ABHD6: variants seen among roughly 807,000 people sequenced by gnomAD.
ABHD6 encodes the protein abhydrolase domain containing 6, acylglycerol lipase.
A neutral mutation model predicts 38.8 loss-of-function variants in ABHD6; 33 were observed. The observed-to-expected ratio is 0.85, with a 90% CI of 0.64 to 1.14. The LOEUF (loss-of-function observed/expected upper bound fraction) is 1.14, where lower values mean the gene tolerates loss of function less well. ABHD6 is among the 50% of genes most tolerant of loss of function. ABHD6 has a pLI of 0.00. For missense variants in ABHD6, 380 were observed against 422.6 expected, an observed-to-expected ratio of 0.90 and a Z score of 0.88; for synonymous variants, 147 against 161.6, an observed-to-expected ratio of 0.91 and a Z score of 0.69.
In ABHD6 at chr3:58,257,076, T is replaced by C. The variant is rs1458757604; in HGVS notation, c.119+371T>C. Reference sequence around the variant, plus strand: ...TATGCCACCACGCCCGGCTAATTTTTTTTGTATTTTTAGTACAGATGGGGT... The same window carrying C: ...TATGCCACCACGCCCGGCTAATTTTCTTTGTATTTTTAGTACAGATGGGGT... On this transcript the variant is annotated intron_variant, in intron 3 of 9. Coordinates refer to ENST00000478253, the MANE Select transcript of ABHD6 (RefSeq NM_001320126.2). This position sits in a 1 kb window ranked among gnomAD's most constrained non-coding sequence, Gnocchi z 4.8. Among the ~76,000 whole-genome samples the C allele has an allele frequency of 6.6e-6, 1 of 152,118 alleles. No homozygotes were observed. Among genetic ancestry groups the C allele is most frequent in the Non-Finnish European group, 1.5e-5 (1 of 68,024 alleles).
chr3:58,267,134 C>T lies in ABHD6; in HGVS notation c.120-55C>T, dbSNP rs2097441546. The T allele has an allele frequency of 3.8e-6, 6 of 1,580,712 alleles. No homozygotes were observed. In the East Asian group the frequency reaches 1.3e-4, roughly 35 times the overall value. ...GAGAGGACCTGTGCCCATCTTGAAG[C>T]CACTCATCTAGAGCTTACTGATTTC... On this transcript the variant is annotated intron_variant, in intron 3 of 9. Transcript: ENST00000478253. The surrounding 1 kb of genome is among the most constrained non-coding windows in gnomAD (Gnocchi z 4.3).
At position 58,269,768 on chromosome 3, in the gene ABHD6, A is replaced by G. The variant is rs1202000635; in HGVS notation, c.390+334A>G. ...TTCTGCTCACCAGTTATATGATAACAGTAATAGCCCCTCTGCCTAGCTGGG... is the reference window on the plus strand; with the variant it reads ...TTCTGCTCACCAGTTATATGATAACGGTAATAGCCCCTCTGCCTAGCTGGG... On this transcript the variant is annotated intron_variant, in intron 5 of 9. Coordinates refer to ENST00000478253, the MANE Select transcript of ABHD6 (RefSeq NM_001320126.2). The surrounding 1 kb of genome is among the most constrained non-coding windows in gnomAD (Gnocchi z 4.4). 6.6e-6 allele frequency among the ~76,000 whole-genome samples: 1 copy of G among 152,240 alleles called. No individual in the cohort carries two copies. Among genetic ancestry groups the G allele is most frequent in the African/African-American group, 2.4e-5 (1 of 41,462 alleles).
Position 58,279,893 on chromosome 3 carries a change from T to C in ABHD6, c.681+5078T>C, listed in dbSNP as rs376093347. Among the ~76,000 whole-genome samples the C allele has an allele frequency of 2.7e-4, 41 of 152,314 alleles. No individual in the cohort carries two copies. The South Asian group carries it at 3.7e-3, about 14-fold the overall frequency. Reference sequence around the variant, plus strand: ...TGAAATTCTGGGTTGAAAATTCTTTTCTTTAAGAATGTTGAATATTAGCCC... The same window carrying C: ...TGAAATTCTGGGTTGAAAATTCTTTCCTTTAAGAATGTTGAATATTAGCCC... On this transcript the variant is annotated intron_variant, in intron 7 of 9. Coordinates refer to ENST00000478253, the MANE Select transcript of ABHD6 (RefSeq NM_001320126.2).
intron 1 of ABHD6, among the ~76,000 whole-genome samples, chr3:58,239,668 C>T (rs1482642749): frequency 6.6e-6 from 1 of 152,054 alleles, no homozygotes; most frequent in Non-Finnish European, 1.5e-5. Flanking sequence ...TGAGCATCTG[C>T]AAACCTAGAG....
Position 58,285,125 on chromosome 3 carries a change from A to G in ABHD6, c.722A>G (p.Asn241Ser). Residue 241 changes from asparagine (N) to serine (S), a missense_variant, in exon 8 of 10, where the codon AAC becomes AGC. Physicochemically the swap from Asn to Ser is conservative, Grantham distance 46. Transcript: ENST00000478253. The surrounding 1 kb of genome is among the most constrained non-coding windows in gnomAD (Gnocchi z 4.9). ...GLVDVRIPHNNFYRKLFLEIV... is the reference protein window; with the variant it reads ...GLVDVRIPHNSFYRKLFLEIV... Reference sequence around the variant, plus strand: ...GTCGATGTCCGCATCCCTCATAACAACTTCTACCGAAAGTGTAAGTAGCCC... The same window carrying G: ...GTCGATGTCCGCATCCCTCATAACAGCTTCTACCGAAAGTGTAAGTAGCCC... 2 of 1,614,118 alleles carry G rather than the reference A, an allele frequency of 1.2e-6. No homozygotes were observed. The highest frequency in any genetic ancestry group is 1.1e-5 in the South Asian group (1 of 91,076).
chr3:58,253,386 A>G (rs1200772253), intron 2 of ABHD6, among the ~76,000 whole-genome samples: 2 of 152,144 alleles, frequency 1.3e-5, no homozygotes, highest in Non-Finnish European at 1.5e-5. Context: ...ATCTGTGTCA[A>G]CTCATTCACA....
At chr3:58,248,261 TATC>T (rs2097427746) in intron 1 of ABHD6, among the ~76,000 whole-genome samples, 1 of 152,266 alleles carries the variant, frequency 6.6e-6, no homozygotes, top group Non-Finnish European at 1.5e-5. Context: ...TGCAAAGCTG[TATC>T]ATCATTTACT....
chr3:58,282,888 G>C (rs2097454369), intron 7 of ABHD6, among the ~76,000 whole-genome samples: 1 of 152,232 alleles, frequency 6.6e-6, no homozygotes, highest in Non-Finnish European at 1.5e-5. Context: ...GTAGCTGAGG[G>C]AAGTCTGGCC....
intron 1 of ABHD6, among the ~76,000 whole-genome samples, chr3:58,243,032 C>G (rs778362129): frequency 3.4e-4 from 52 of 152,156 alleles, no homozygotes; most frequent in Non-Finnish European, 2.9e-4. Context: ...TCATCCATGT[C>G]CCTACAAAGG....
At chr3:58,244,987 T>C (rs1479241604) in intron 1 of ABHD6, among the ~76,000 whole-genome samples, 2 of 152,200 alleles carry the variant, frequency 1.3e-5, no homozygotes, top group African/African-American at 4.8e-5. Flanking sequence ...AAGGAGATTC[T>C]GGCTAGAAAG....
At chr3:58,277,273 C>A (rs1021180356) in intron 7 of ABHD6, among the ~76,000 whole-genome samples, 4 of 152,016 alleles carry the variant, frequency 2.6e-5, no homozygotes, top group African/African-American at 9.7e-5. Context: ...CATTTGTTAG[C>A]GTCCTCTTTT....
chr3:58,293,240 C>A lies in ABHD6; in HGVS notation c.838-349C>A, dbSNP rs1397030798. 6.6e-6 allele frequency among the ~76,000 whole-genome samples: 1 copy of A among 152,174 alleles called. No homozygotes were observed. The highest frequency in any genetic ancestry group is 1.5e-5 in the Non-Finnish European group (1 of 68,038). ...TCCTCCCCTGTCCCCTTTCTGCTCT[C>A]CCGGGACTCAGGAACGAGGTCTTCC... On this transcript the variant is annotated intron_variant, in intron 9 of 9. Coordinates refer to ENST00000478253, the MANE Select transcript of ABHD6 (RefSeq NM_001320126.2). The surrounding 1 kb of genome is among the most constrained non-coding windows in gnomAD (Gnocchi z 4.4).
rs377428964 is a variant in ABHD6 at position 58,275,967 on chromosome 3, A to G, written c.681+1152A>G. Among the ~76,000 whole-genome samples the G allele has an allele frequency of 2.6e-5, 4 of 152,278 alleles. No individual in the cohort carries two copies. In the East Asian group the frequency reaches 7.7e-4, roughly 29 times the overall value. ...GAACTCATCCTTTTTATGGCTGCGT[A>G]GTATTCCATGGTCTGTATGTGTCAC... On this transcript the variant is annotated intron_variant, in intron 7 of 9. Transcript: ENST00000478253.
Position 58,285,502 on chromosome 3 carries a change from G to T in ABHD6, c.837+49G>T. 6.8e-7 allele frequency: 1 copy of T among 1,472,934 alleles called. No homozygotes were observed. Among genetic ancestry groups the T allele is most frequent in the South Asian group, 1.1e-5 (1 of 87,988 alleles). The allele number at this position is 1,472,934 out of a possible 1,614,324, so 91.2% of individuals were successfully genotyped here. ...GTCTGTGCTGGTCACCAGGGCCTCT[G>T]AGGAAAAACGTCCTTGAGGAAGAAC... On this transcript the variant is annotated intron_variant, in intron 9 of 9. Transcript: ENST00000478253. The surrounding 1 kb of genome is among the most constrained non-coding windows in gnomAD (Gnocchi z 4.9).
intron 1 of ABHD6, among the ~76,000 whole-genome samples, chr3:58,239,172 A>G (rs2097421153): frequency 6.6e-6 from 1 of 152,050 alleles, no homozygotes. Flanking sequence ...ATTTCAACAA[A>G]TTCTTATCAA....
chr3:58,263,785 T>C lies in ABHD6; in HGVS notation c.120-3404T>C, dbSNP rs1260323579. On this transcript the variant is annotated intron_variant, in intron 3 of 9. Coordinates refer to ENST00000478253, the MANE Select transcript of ABHD6 (RefSeq NM_001320126.2). This position sits in a 1 kb window ranked among gnomAD's most constrained non-coding sequence, Gnocchi z 4.9. ...AGAGTTATAGAGAATTTGATGATTATAAAAACGTAACCCATTCGAGCCCCA... is the reference window on the plus strand; with the variant it reads ...AGAGTTATAGAGAATTTGATGATTACAAAAACGTAACCCATTCGAGCCCCA... 6.6e-6 allele frequency among the ~76,000 whole-genome samples: 1 copy of C among 152,024 alleles called. No homozygotes were observed. Among genetic ancestry groups the C allele is most frequent in the South Asian group, 2.1e-4 (1 of 4,816 alleles).
chr3:58,252,836 A>G (rs1041185830), intron 2 of ABHD6, among the ~76,000 whole-genome samples: 8 of 152,340 alleles, frequency 5.3e-5, no homozygotes, highest in Middle Eastern at 3.4e-3. Flanking sequence ...AAACACCAGC[A>G]TGGCAGGGGA....
At position 58,266,104 on chromosome 3, in the gene ABHD6, T is replaced by C. The variant is rs1359173144; in HGVS notation, c.120-1085T>C. On this transcript the variant is annotated intron_variant, in intron 3 of 9. Transcript: ENST00000478253. The surrounding 1 kb of genome is among the most constrained non-coding windows in gnomAD (Gnocchi z 4.0). ...GCTTTTAAGCTAGCCAATGCTATTATGTTCTTTACGTTTTGAGTAGGCAAT... is the reference window on the plus strand; with the variant it reads ...GCTTTTAAGCTAGCCAATGCTATTACGTTCTTTACGTTTTGAGTAGGCAAT... 6.6e-6 allele frequency among the ~76,000 whole-genome samples: 1 copy of C among 152,238 alleles called. No homozygotes were observed. Among genetic ancestry groups the C allele is most frequent in the East Asian group, 1.9e-4 (1 of 5,198 alleles).
rs1298742190 is a variant in ABHD6, at chr3:58,259,522, A to T, written c.119+2817A>T. On this transcript the variant is annotated intron_variant, in intron 3 of 9. Coordinates refer to ENST00000478253, the MANE Select transcript of ABHD6 (RefSeq NM_001320126.2). The surrounding 1 kb of genome is among the most constrained non-coding windows in gnomAD (Gnocchi z 4.7). ...TGGCGAAACCCCGTCTCTACTAAAAATACAAAAAATTAGCCAGGCATGGTG... is the reference window on the plus strand; with the variant it reads ...TGGCGAAACCCCGTCTCTACTAAAATTACAAAAAATTAGCCAGGCATGGTG... 6.6e-6 allele frequency among the ~76,000 whole-genome samples: 1 copy of T among 152,126 alleles called. No individual in the cohort carries two copies. The highest frequency in any genetic ancestry group is 1.5e-5 in the Non-Finnish European group (1 of 68,024).
Sources: gnomAD v4.1 joint callset for allele counts (sites outside exome capture counted in the v4.1 genomes callset) on GRCh38, gnomAD v4.1.1 for gene constraint, Gnocchi (gnomAD v3.1) non-coding constraint, MANE v1.5 for transcripts, NCBI Gene and HGNC (gene_info 2026-07-23, HGNC 2026-07-21) for gene names.